CTDSPL: variants seen among roughly 807,000 people sequenced by gnomAD.
CTDSPL encodes the protein CTD small phosphatase like, also known as CTD small phosphatase-like protein.
In CTDSPL, 8 loss-of-function variants were observed where a neutral mutation model predicts 30.5. The observed-to-expected ratio is 0.26, with a 90% CI of 0.15 to 0.47. CTDSPL has a LOEUF of 0.47. Ranked by LOEUF, CTDSPL falls within the 20% of genes least tolerant of loss-of-function variation. The probability of loss-of-function intolerance (pLI) is 0.99; values close to 1 mark genes in which losing one functional copy is unlikely to be tolerated. For synonymous variants in CTDSPL, 110 were observed against 137.9 expected (o/e 0.80, Z 1.42); for missense variants, 248 against 366.1 (o/e 0.68, Z 2.63).
rs1397855273 is a variant in CTDSPL, at chr3:37,927,634, ATATGTGTG to A, written c.80-19421_80-19414del. On this transcript the variant is annotated intron_variant, in intron 1 of 7. Transcript: ENST00000273179. ...GTTTAATTGTGGTTAAAAGAAAAAT[ATATGTGTG>A]TGTGTGTGTGTGTGTGTGTGTGTGT... Among the ~76,000 whole-genome samples, 249 of 78,424 alleles carry A rather than the reference ATATGTGTG, an allele frequency of 3.2e-3. 6 individuals are homozygous for A. The highest frequency in any genetic ancestry group is 0.025 in the South Asian group (56 of 2,208). The allele number at this position is 78,424 out of a possible 152,430, so 51.4% of individuals were successfully genotyped here.
In CTDSPL at chr3:37,982,188, C is replaced by T. The variant is rs1483549927; in HGVS notation, c.*1321C>T. The T allele has an allele frequency of 3.2e-6, 1 of 314,504 alleles. No individual in the cohort carries two copies. Among genetic ancestry groups the T allele is most frequent in the South Asian group, 2.7e-5 (1 of 37,318 alleles). The allele number at this position is 314,504 out of a possible 1,614,324, so 19.5% of individuals were successfully genotyped here. On this transcript the variant is annotated 3_prime_UTR_variant, in exon 8 of 8. Transcript: ENST00000273179. ...TCAACCAGCCACCAAGCTGATGTGG[C>T]CCAAGTCCATCTCTTGGTCTTCTCC...
At chr3:37,976,552 A>T (rs567187199) in intron 7 of CTDSPL, among the ~76,000 whole-genome samples, 152 of 151,904 alleles carry the variant, frequency 1.0e-3, no homozygotes, top group African/African-American at 3.5e-3. Flanking sequence ...CAATCACTTG[A>T]ACCCGGGAGG....
At chr3:37,956,248 G>C (rs1699171712) in intron 2 of CTDSPL, among the ~76,000 whole-genome samples, 1 of 152,146 alleles carries the variant, frequency 6.6e-6, no homozygotes, top group African/African-American at 2.4e-5. Flanking sequence ...CATCAGGTTT[G>C]GCCCCTTCAC....
intron 1 of CTDSPL, among the ~76,000 whole-genome samples, chr3:37,935,028 A>C (rs970917012): frequency 2.0e-5 from 3 of 152,186 alleles, no homozygotes; most frequent in Admixed American, 2.0e-4. Context: ...GAGATGCTTC[A>C]TCTCATACTG....
chr3:37,949,300 T>C (rs1395131457), intron 2 of CTDSPL, among the ~76,000 whole-genome samples: 1 of 152,216 alleles, frequency 6.6e-6, no homozygotes, highest in Admixed American at 6.5e-5. Context: ...TCCCTATTTG[T>C]TGATGCAGGC....
At chr3:37,922,068 C>G (rs761464475) in intron 1 of CTDSPL, among the ~76,000 whole-genome samples, 13 of 152,084 alleles carry the variant, frequency 8.5e-5, no homozygotes, top group Non-Finnish European at 4.4e-5. Context: ...CCCATCTCTA[C>G]TAAAAATACA....
chr3:37,952,892 ACTT>A (rs1403291275), intron 2 of CTDSPL, among the ~76,000 whole-genome samples: 2 of 152,218 alleles, frequency 1.3e-5, no homozygotes, highest in Non-Finnish European at 2.9e-5. Context: ...CACTCATGCT[ACTT>A]CTTTATAATG....
chr3:37,955,556 C>T (rs1249158373), intron 2 of CTDSPL, among the ~76,000 whole-genome samples: 1 of 152,196 alleles, frequency 6.6e-6, no homozygotes, highest in Non-Finnish European at 1.5e-5. Flanking sequence ...ATGGTTGGAG[C>T]TGGAGGCCAT....
chr3:37,970,394 T>C (rs1699353141), intron 5 of CTDSPL, among the ~76,000 whole-genome samples: 1 of 152,250 alleles, frequency 6.6e-6, no homozygotes, highest in Admixed American at 6.5e-5. Context: ...GCAAGGCCTG[T>C]GTTTTATTCA....
intron 1 of CTDSPL, among the ~76,000 whole-genome samples, chr3:37,900,320 C>T (rs1003797387): frequency 6.6e-6 from 1 of 152,148 alleles, no homozygotes; most frequent in Non-Finnish European, 1.5e-5. Context: ...TAATACGAAA[C>T]ATGTATACAA....
chr3:37,887,156 G>C (rs143993773), intron 1 of CTDSPL, among the ~76,000 whole-genome samples: 2,262 of 152,190 alleles, frequency 0.015, 56 homozygotes, highest in Admixed American at 0.049. Flanking sequence ...CCCAAGCTTG[G>C]GCCAGGTTAT....
chr3:37,872,133 A>G (rs1253827872), intron 1 of CTDSPL, among the ~76,000 whole-genome samples: 1 of 152,160 alleles, frequency 6.6e-6, no homozygotes, highest in African/African-American at 2.4e-5. Context: ...CTGCGACTAC[A>G]GGCACATGTT....
intron 1 of CTDSPL, among the ~76,000 whole-genome samples, chr3:37,885,395 G>C (rs991843000): frequency 6.6e-6 from 1 of 152,200 alleles, no homozygotes; most frequent in Non-Finnish European, 1.5e-5. Flanking sequence ...ATGGATGAGA[G>C]CATTTCCCAG....
chr3:37,909,423 T>C (rs540297082), intron 1 of CTDSPL, among the ~76,000 whole-genome samples: 10 of 152,360 alleles, frequency 6.6e-5, no homozygotes, highest in African/African-American at 2.4e-4. Flanking sequence ...AGTGGCTATT[T>C]CAGAGAAATG....
chr3:37,933,121 C>A (rs908950999), intron 1 of CTDSPL, among the ~76,000 whole-genome samples: 1 of 149,488 alleles, frequency 6.7e-6, no homozygotes, highest in East Asian at 2.0e-4. Flanking sequence ...CCACTACACT[C>A]CAGCCTGGGT....
At chr3:37,971,278 G>T in intron 5 of CTDSPL, 129 bp from the exon 6 acceptor site, 1 of 749,638 alleles carries the variant, frequency 1.3e-6, no homozygotes, top group Non-Finnish European at 2.3e-6. Flanking sequence ...GCCTCTGCCT[G>T]CTATGCATAG....
intron 3 of CTDSPL, 76 bp downstream of exon 3, chr3:37,957,219 ATT>A: frequency 1.0e-6 from 1 of 979,384 alleles, no homozygotes; most frequent in Non-Finnish European, 1.5e-6. Context: ...TATATAAAGG[ATT>A]TTTTTTAATG....
chr3:37,974,550 G>T (rs915182852), intron 6 of CTDSPL, among the ~76,000 whole-genome samples: 1 of 152,190 alleles, frequency 6.6e-6, no homozygotes, highest in Non-Finnish European at 1.5e-5. Context: ...TTTCTTCCAG[G>T]CCTAGCCACT....
intron 1 of CTDSPL, among the ~76,000 whole-genome samples, chr3:37,890,786 A>G (rs1698315700): frequency 6.6e-6 from 1 of 152,162 alleles, no homozygotes; most frequent in Non-Finnish European, 1.5e-5. Flanking sequence ...CCAGAGCCAT[A>G]CCAAGTTTCA....
Sources: gnomAD v4.1 joint callset for allele counts (sites outside exome capture counted in the v4.1 genomes callset) on GRCh38, gnomAD v4.1.1 for gene constraint, MANE v1.5 for transcripts, NCBI Gene and HGNC (gene_info 2026-07-23, HGNC 2026-07-21) for gene names.